The following GPATCH2 variants were observed in gnomAD, a reference collection of about 807,000 sequenced individuals.
The protein encoded by GPATCH2 is G patch domain-containing protein 2.
In GPATCH2, 51 loss-of-function variants were observed where a neutral mutation model predicts 58.0. That is an observed-to-expected ratio of 0.88 (90% CI 0.70 to 1.11). The LOEUF is 1.11. GPATCH2 is among the 50% of genes most tolerant of loss of function. The probability of loss-of-function intolerance (pLI) is 0.00; values close to 1 mark genes in which losing one functional copy is unlikely to be tolerated. For missense variants in GPATCH2, 625 were observed against 652.2 expected (o/e 0.96, Z 0.45); for synonymous variants, 222 against 218.5 (o/e 1.02, Z -0.14).
chr1:217,627,348 A>C (rs1305505483), intron 1 of GPATCH2, among the ~76,000 whole-genome samples: 4 of 151,954 alleles, frequency 2.6e-5, no homozygotes, highest in Non-Finnish European at 4.4e-5. Flanking sequence ...GTCATGAAGC[A>C]CTCTGAATGT....
chr1:217,564,171 T>A (rs1666090157), intron 5 of GPATCH2, among the ~76,000 whole-genome samples: 1 of 152,026 alleles, frequency 6.6e-6, no homozygotes, highest in Non-Finnish European at 1.5e-5. Flanking sequence ...TTTAATATCT[T>A]ACTCGAAGTC....
At chr1:217,446,173 T>C (rs1259416922) in intron 9 of GPATCH2, among the ~76,000 whole-genome samples, 1 of 152,160 alleles carries the variant, frequency 6.6e-6, no homozygotes, top group Non-Finnish European at 1.5e-5. Context: ...AAGACTGTTA[T>C]CATCTGCATT....
chr1:217,567,045 GCTTT>G (rs1666276670), intron 5 of GPATCH2, among the ~76,000 whole-genome samples: 2 of 140,762 alleles, frequency 1.4e-5, no homozygotes, highest in Admixed American at 7.2e-5. Context: ...ATAACTTCTG[GCTTT>G]TTTTTTTTTT....
chr1:217,601,821 C>T (rs958911305), intron 5 of GPATCH2, among the ~76,000 whole-genome samples: 12 of 152,060 alleles, frequency 7.9e-5, no homozygotes, highest in Non-Finnish European at 1.6e-4. Context: ...CCTTATTCTC[C>T]TCCCAACCTC....
chr1:217,469,721 C>G (rs183184725), intron 8 of GPATCH2, among the ~76,000 whole-genome samples: 261 of 151,920 alleles, frequency 1.7e-3, no homozygotes, highest in African/African-American at 5.9e-3. Context: ...CAGAATAATT[C>G]TTGTTATATT....
At chr1:217,621,328 G>A (rs528496434) in intron 1 of GPATCH2, among the ~76,000 whole-genome samples, 22 of 152,202 alleles carry the variant, frequency 1.4e-4, no homozygotes, top group African/African-American at 5.1e-4. Context: ...AAGGTATCTG[G>A]TTTTATTTTT....
chr1:217,471,671 GAT>G (rs1162265372), intron 8 of GPATCH2, among the ~76,000 whole-genome samples: 1 of 152,100 alleles, frequency 6.6e-6, no homozygotes, highest in African/African-American at 2.4e-5. Flanking sequence ...ACATGAATGT[GAT>G]GAGATCTGTT....
At chr1:217,587,465 C>T (rs1667394353) in intron 5 of GPATCH2, among the ~76,000 whole-genome samples, 1 of 152,104 alleles carries the variant, frequency 6.6e-6, no homozygotes, top group Non-Finnish European at 1.5e-5. Flanking sequence ...TAGAAAGAGA[C>T]TGGCAAAATT....
At chr1:217,516,600 C>CTAT (rs1470218816) in intron 5 of GPATCH2, among the ~76,000 whole-genome samples, 1 of 152,138 alleles carries the variant, frequency 6.6e-6, no homozygotes. Flanking sequence ...CCGACTGTGC[C>CTAT]TATGTCATGC....
Position 217,521,044 on chromosome 1 carries a change from CTA to C in GPATCH2, c.1099-6157_1099-6156del, listed in dbSNP as rs377517174. On this transcript the variant is annotated intron_variant, in intron 5 of 9. Coordinates refer to ENST00000366935, the MANE Select transcript of GPATCH2 (RefSeq NM_018040.5). ...AAGTTTGTATAGAGCTGGGGTCCTG[CTA>C]TGTTGCATGCACTGGTCTTGAGCTT... Among the ~76,000 whole-genome samples, 1,346 of 152,268 alleles carry C rather than the reference CTA, an allele frequency of 8.8e-3. 8 individuals carry two copies. The highest frequency in any genetic ancestry group is 0.044 in the Middle Eastern group (13 of 294).
intron 5 of GPATCH2, among the ~76,000 whole-genome samples, chr1:217,546,368 G>A (rs1019986259): frequency 6.6e-5 from 10 of 152,028 alleles, no homozygotes; most frequent in African/African-American, 2.2e-4. Flanking sequence ...GTATACTACA[G>A]GGCTACCATA....
intron 8 of GPATCH2, among the ~76,000 whole-genome samples, chr1:217,487,643 C>T (rs897511561): frequency 1.3e-5 from 2 of 152,250 alleles, no homozygotes; most frequent in Non-Finnish European, 2.9e-5. Context: ...CCAGGCTGAT[C>T]TCCAACTCCT....
chr1:217,595,050 G>T (rs1667760875), intron 5 of GPATCH2, among the ~76,000 whole-genome samples: 1 of 152,146 alleles, frequency 6.6e-6, no homozygotes, highest in South Asian at 2.1e-4. Flanking sequence ...TTCAGTCAAG[G>T]AATGAGTTAG....
chr1:217,486,793 T>C (rs1044989598), intron 8 of GPATCH2, among the ~76,000 whole-genome samples: 1 of 152,194 alleles, frequency 6.6e-6, no homozygotes, highest in Non-Finnish European at 1.5e-5. Context: ...TCCCATGAAA[T>C]AACCCCTTTG....
At chr1:217,576,895 G>A (rs867202368) in intron 5 of GPATCH2, among the ~76,000 whole-genome samples, 1 of 152,184 alleles carries the variant, frequency 6.6e-6, no homozygotes, top group East Asian at 1.9e-4. Context: ...GCAGATGACT[G>A]AATATATTGC....
At position 217,568,049 on chromosome 1, in the gene GPATCH2, G is replaced by A. The variant is rs529411050; in HGVS notation, c.1098+42272C>T. Among the ~76,000 whole-genome samples, 13 of 152,242 alleles carry A rather than the reference G, an allele frequency of 8.5e-5. No homozygotes were observed. In the South Asian group the frequency reaches 1.9e-3, roughly 22 times the overall value. On this transcript the variant is annotated intron_variant, in intron 5 of 9. Transcript: ENST00000366935. ...GGAGAATGGTGTGAACCCAGGAGGC[G>A]GAGCTTGCAGTGAGCCGAGATCGTG...
At chr1:217,523,747 C>T (rs202005140) in intron 5 of GPATCH2, among the ~76,000 whole-genome samples, 29,367 of 146,244 alleles carry the variant, frequency 0.2, 2,868 homozygotes, top group East Asian at 0.33. Flanking sequence ...CCAGTAGGGG[C>T]GGCCGGGCAG....
At chr1:217,549,707 C>T (rs575078711) in intron 5 of GPATCH2, among the ~76,000 whole-genome samples, 5 of 152,118 alleles carry the variant, frequency 3.3e-5, no homozygotes, top group South Asian at 4.1e-4. Context: ...TGAGAAAAAA[C>T]GAAGAATTGA....
chr1:217,433,382 A>T lies in GPATCH2; in HGVS notation c.1367-2017T>A, dbSNP rs2552080. On this transcript the variant is annotated intron_variant, in intron 9 of 9. Coordinates refer to ENST00000366935, the MANE Select transcript of GPATCH2 (RefSeq NM_018040.5). The stretch of plus-strand genomic sequence containing the variant: ...TGTTCATATATATATATATATATAT[A>T]TATTTATTTATTTATTTATTTATTT... Among the ~76,000 whole-genome samples the T allele has an allele frequency of 2.2e-3, 173 of 78,698 alleles. 1 individual carries two copies. Among genetic ancestry groups the T allele is most frequent in the African/African-American group, 4.6e-3 (90 of 19,454 alleles). The allele number at this position is 78,698 out of a possible 152,430, so 51.6% of individuals were successfully genotyped here. A position where few individuals can be genotyped will look rare whatever the true frequency, so the allele number is the denominator to read the frequency against.
Sources: gnomAD v4.1 joint callset for allele counts (sites outside exome capture counted in the v4.1 genomes callset) on GRCh38, gnomAD v4.1.1 for gene constraint, MANE v1.5 for transcripts, NCBI Gene and HGNC (gene_info 2026-07-23, HGNC 2026-07-21) for gene names.